POLR2F: variants seen among roughly 807,000 people sequenced by gnomAD.
POLR2F encodes RNA polymerase II, I and III subunit F, also known as DNA-directed RNA polymerases I, II, and III subunit RPABC2.
POLR2F carries 12 observed loss-of-function variants against 22.7 expected under a neutral mutation model. That is an observed-to-expected ratio of 0.53 (90% confidence interval 0.34 to 0.86). POLR2F has a LOEUF of 0.86. Among genes scored for constraint, POLR2F ranks in the 40% least tolerant of loss-of-function variants. The pLI is 0.02. For missense variants in POLR2F, 126 were observed against 171.5 expected (o/e 0.73, Z 1.48); for synonymous variants, 57 against 66.0 (o/e 0.86, Z 0.66).
downstream of POLR2F, chr22:37,969,431 C>CT: frequency 1.4e-5 from 8 of 582,332 alleles, no homozygotes; most frequent in Non-Finnish European, 1.7e-5. Context: ...CACTTGGAAC[C>CT]TTTGGTCTAA....
In POLR2F at chr22:37,968,710, A is replaced by G; in HGVS notation, c.*995A>G. On this transcript the variant is annotated 3_prime_UTR_variant, in exon 5 of 5. Coordinates refer to ENST00000442738, the MANE Select transcript of POLR2F (RefSeq NM_021974.5). The stretch of plus-strand genomic sequence containing the variant: ...GATAGAGGGTAAACTGGCTCCCTGA[A>G]TATGCCAGCCTTAACCTCCATTCCA... 1.0e-6 allele frequency: 1 copy of G among 985,430 alleles called. No individual in the cohort carries two copies. Among genetic ancestry groups the G allele is most frequent in the Non-Finnish European group, 1.2e-6 (1 of 829,942 alleles). 61.0% of individuals were successfully genotyped at this position (985,430 alleles called of 1,614,324 possible).
upstream of POLR2F, among the ~76,000 whole-genome samples, chr22:37,985,818 AACACACACACAC>A (rs60447362): frequency 1.6e-3 from 236 of 144,486 alleles, no homozygotes; most frequent in African/African-American, 4.1e-3. Context: ...CAGACACTGG[AACACACACACAC>A]ACACACACAC....
At position 37,968,894 on chromosome 22, in the gene POLR2F, G is replaced by C. The variant is rs1931959769; in HGVS notation, c.*1179G>C. ...AGGGGTGTCCGCTGCCCTGGAGAAG[G>C]GTTAATTCAGGGAGCAGTGGACTTC... On this transcript the variant is annotated 3_prime_UTR_variant, in exon 5 of 5. Transcript: ENST00000442738. The C allele has an allele frequency of 1.0e-6, 1 of 985,212 alleles. No homozygotes were observed. The highest frequency in any genetic ancestry group is 1.2e-6 in the Non-Finnish European group (1 of 829,836). The allele number at this position is 985,212 out of a possible 1,614,324, so 61.0% of individuals were successfully genotyped here. A position where few individuals can be genotyped will look rare whatever the true frequency, so the allele number is the denominator to read the frequency against.
chr22:37,955,210 T>G (rs1018024839), intron 1 of POLR2F, among the ~76,000 whole-genome samples: 3 of 151,042 alleles, frequency 2.0e-5, no homozygotes, highest in Admixed American at 6.6e-5. Flanking sequence ...AGGGTTTTTT[T>G]TTTTTTTTTT....
At chr22:37,962,650 T>C (rs1000042176) in intron 3 of POLR2F, among the ~76,000 whole-genome samples, 1 of 152,218 alleles carries the variant, frequency 6.6e-6, no homozygotes, top group Non-Finnish European at 1.5e-5. Flanking sequence ...GAAATTCAGT[T>C]TCTTTCTCAC....
chr22:37,969,982 T>C (rs969885515), downstream of POLR2F, among the ~76,000 whole-genome samples: 1 of 152,114 alleles, frequency 6.6e-6, no homozygotes, highest in Non-Finnish European at 1.5e-5. Context: ...GTTTTAGAAC[T>C]GATTAGACAG....
rs1932301726 is a variant in POLR2F, at chr22:37,978,728, C to T, written c.293+11558C>T. 6.6e-6 allele frequency among the ~76,000 whole-genome samples: 1 copy of T among 152,048 alleles called. No individual in the cohort carries two copies. The highest frequency in any genetic ancestry group is 6.5e-5 in the Admixed American group (1 of 15,268). Reference sequence around the variant, plus strand: ...ATAATGGATGTGAGATGCCTTGCACCAGGGCCTGGGAAGCGGGCTGAGCAC... The same window carrying T: ...ATAATGGATGTGAGATGCCTTGCACTAGGGCCTGGGAAGCGGGCTGAGCAC... On this transcript the variant is annotated intron_variant, in intron 4 of 4. Coordinates refer to the POLR2F transcript ENST00000405557. This position sits in a 1 kb window ranked among gnomAD's most constrained non-coding sequence, Gnocchi z 5.0.
chr22:37,990,781 A>G (rs986609535), intron 1 of POLR2F, among the ~76,000 whole-genome samples: 5 of 152,162 alleles, frequency 3.3e-5, no homozygotes, highest in African/African-American at 1.2e-4. Flanking sequence ...CCATCTGTAC[A>G]ATGTAAAATC....
chr22:37,958,246 T>C (rs1309554866), intron 2 of POLR2F: 1 of 150,752 alleles, frequency 6.6e-6, no homozygotes, highest in East Asian at 2.0e-4. Context: ...TGGAGCGCAG[T>C]GGGGCGATGT....
intron 1 of POLR2F, among the ~76,000 whole-genome samples, chr22:38,013,613 C>A (rs2084890907): frequency 6.6e-6 from 1 of 152,166 alleles, no homozygotes; most frequent in Non-Finnish European, 1.5e-5. Flanking sequence ...GTGTATAGTT[C>A]TTTTTGTCTT....
At chr22:37,979,154 G>A (rs370043947) in intron 4 of POLR2F, among the ~76,000 whole-genome samples, 29 of 151,948 alleles carry the variant, frequency 1.9e-4, no homozygotes, top group South Asian at 8.3e-4. Context: ...CTGGAGTGCC[G>A]TGATGCGGTC....
intron 1 of POLR2F, among the ~76,000 whole-genome samples, chr22:37,955,714 G>A (rs1441152062): frequency 6.6e-6 from 1 of 151,852 alleles, no homozygotes; most frequent in Non-Finnish European, 1.5e-5. Context: ...AAGGAGTCTC[G>A]CTGTGTCACC....
chr22:37,986,533 C>T lies in POLR2F; in HGVS notation c.120+221C>T, dbSNP rs1932584591. 4 of 1,125,950 alleles carry T rather than the reference C, an allele frequency of 3.6e-6. No homozygotes were observed. The Admixed American group carries it at 7.9e-5, about 22-fold the overall frequency. The allele number at this position is 1,125,950 out of a possible 1,614,324, so 69.7% of individuals were successfully genotyped here. On this transcript the variant is annotated intron_variant, in intron 1 of 2. Coordinates refer to the POLR2F transcript ENST00000333418. The surrounding 1 kb of genome is among the most constrained non-coding windows in gnomAD (Gnocchi z 4.7). ...TTTGCCCTCCTTGGTCCAGCTGTGC[C>T]AGGATGGGGGTGGGGGTAGCAGTGG...
intron 1 of POLR2F, among the ~76,000 whole-genome samples, chr22:38,004,798 G>C (rs1359629237): frequency 1.3e-5 from 2 of 152,062 alleles, no homozygotes; most frequent in Non-Finnish European, 2.9e-5. Flanking sequence ...TACAAAATTA[G>C]CCTGGTGTTG....
At chr22:37,972,043 A>G (rs1932068925), downstream of POLR2F, among the ~76,000 whole-genome samples, 2 of 140,186 alleles carry the variant, frequency 1.4e-5, no homozygotes, top group African/African-American at 5.3e-5. Context: ...ACAGAAAGAG[A>G]GAGAGGAGAG....
intron 5 of POLR2F, among the ~76,000 whole-genome samples, chr22:38,033,781 C>A (rs1192409618): frequency 6.6e-6 from 1 of 152,178 alleles, no homozygotes; most frequent in African/African-American, 2.4e-5. Flanking sequence ...CCGCTGCCTG[C>A]CCCCCATGTG....
chr22:37,973,608 G>A, downstream of POLR2F: 2 of 1,613,440 alleles, frequency 1.2e-6, no homozygotes, highest in Non-Finnish European at 1.7e-6. Context: ...CGCTGCGAGG[G>A]CCCCATATAG....
chr22:38,015,684 G>T (rs1209956648), intron 1 of POLR2F, among the ~76,000 whole-genome samples: 1 of 152,122 alleles, frequency 6.6e-6, no homozygotes, highest in Non-Finnish European at 1.5e-5. Flanking sequence ...CTCTGTGGGG[G>T]CCATGATAGA....
intron 3 of POLR2F, among the ~76,000 whole-genome samples, chr22:37,964,840 T>C (rs932598875): frequency 6.6e-6 from 1 of 152,024 alleles, no homozygotes; most frequent in Non-Finnish European, 1.5e-5. Context: ...CCCGAAGTGC[T>C]GGGATTACAG....
Sources: gnomAD v4.1 joint callset for allele counts (sites outside exome capture counted in the v4.1 genomes callset) on GRCh38, gnomAD v4.1.1 for gene constraint, Gnocchi (gnomAD v3.1) non-coding constraint, MANE v1.5 for transcripts, NCBI Gene and HGNC (gene_info 2026-07-23, HGNC 2026-07-21) for gene names.